PTPRU: variants seen among roughly 807,000 people sequenced by gnomAD.
PTPRU encodes receptor-type tyrosine-protein phosphatase U.
In PTPRU, 69 loss-of-function variants were observed where a neutral mutation model predicts 166.3. The ratio of observed to expected loss-of-function variants is 0.41; its 90% CI spans 0.34 to 0.51. PTPRU has a LOEUF of 0.51. Ranked by LOEUF, PTPRU falls within the 20% of genes least tolerant of loss-of-function variation. The pLI is 0.09. For missense variants in PTPRU, 1,657 were observed against 2,013.7 expected, an observed-to-expected ratio of 0.82 and a Z score of 3.39; for synonymous variants, 793 against 814.0, an observed-to-expected ratio of 0.97 and a Z score of 0.44.
chr1:29,243,568 C>T (rs1419611738), intron 1 of PTPRU, among the ~76,000 whole-genome samples: 1 of 152,250 alleles, frequency 6.6e-6, no homozygotes, highest in African/African-American at 2.4e-5. Flanking sequence ...TCAGCCTTCA[C>T]AGTTCAGCTC....
chr1:29,275,766 T>G lies in PTPRU; in HGVS notation c.1453+10T>G, dbSNP rs1274276064. On this transcript the variant is annotated intron_variant, in intron 8 of 29. Transcript: ENST00000373779. ...CAGACGGATGAGGATGGTAAGAGTC[T>G]CAGTCCCAATTCCCGGGGCCCTGTG... 1 of 1,611,322 alleles carries G rather than the reference T, an allele frequency of 6.2e-7. No homozygotes were observed. Among genetic ancestry groups the G allele is most frequent in the African/African-American group, 1.3e-5 (1 of 74,896 alleles).
Position 29,311,386 on chromosome 1 carries a change from G to A in PTPRU, c.2858-70G>A. ...CCTGGCCTGGGGTGTGGTGCTGGAT[G>A]GTGCTGGATGTGCTGACCTGGGGTG... is the stretch of plus-strand genomic sequence containing the variant. On this transcript the variant is annotated intron_variant, in intron 19 of 29. Transcript: ENST00000373779. The surrounding 1 kb of genome is among the most constrained non-coding windows in gnomAD (Gnocchi z 4.1). 1.4e-6 allele frequency: 2 copies of A among 1,476,792 alleles called. No individual in the cohort carries two copies. The highest frequency in any genetic ancestry group is 1.9e-6 in the Non-Finnish European group (2 of 1,064,864). The allele number at this position is 1,476,792 out of a possible 1,614,324, so 91.5% of individuals were successfully genotyped here. A position where few individuals can be genotyped will look rare whatever the true frequency, so the allele number is the denominator to read the frequency against.
rs888587697 is a variant in PTPRU at position 29,315,894 on chromosome 1, C to T, written c.3364-108C>T. The T allele has an allele frequency of 8.7e-6, 12 of 1,378,226 alleles. No homozygotes were observed. Among genetic ancestry groups the T allele is most frequent in the Non-Finnish European group, 1.2e-5 (12 of 1,012,436 alleles). The allele number at this position is 1,378,226 out of a possible 1,614,324, so 85.4% of individuals were successfully genotyped here. The stretch of plus-strand genomic sequence containing the variant: ...TCCAGCCTGTAGTAACATGGTTGGC[C>T]TCCACCTCAGGACACCCTGCTTCAA... On this transcript the variant is annotated intron_variant, in intron 23 of 29. Coordinates refer to ENST00000373779, the MANE Select transcript of PTPRU (RefSeq NM_133178.4). The surrounding 1 kb of genome is among the most constrained non-coding windows in gnomAD (Gnocchi z 4.5).
intron 18 of PTPRU, chr1:29,307,189 T>TA (rs1484684211): frequency 7.5e-6 from 12 of 1,593,134 alleles, no homozygotes; most frequent in Non-Finnish European, 7.7e-6. Context: ...CTCTTCCTCC[T>TA]GTCTGTCTGA....
intron 14 of PTPRU, among the ~76,000 whole-genome samples, chr1:29,288,705 G>C (rs1445454476): frequency 1.3e-5 from 2 of 152,146 alleles, no homozygotes; most frequent in Non-Finnish European, 2.9e-5. Context: ...AGGGTGATGT[G>C]GGGGCAAGTG....
intron 1 of PTPRU, among the ~76,000 whole-genome samples, chr1:29,254,130 G>A (rs1273576552): frequency 6.6e-6 from 1 of 152,180 alleles, no homozygotes; most frequent in Non-Finnish European, 1.5e-5. Flanking sequence ...TGGCTGGCAG[G>A]TACCCAGGAC....
chr1:29,275,651 A>G lies in PTPRU; in HGVS notation c.1348A>G (p.Ile450Val), dbSNP rs1045863349. Residue 450 changes from isoleucine to valine, a missense_variant, in exon 8 of 30, where the codon ATC becomes GTC. By Grantham distance (29) the Ile-to-Val change is conservative. This residue lies in a region of PTPRU where 1,190 missense variants were observed against 1,477.4 expected (regional missense o/e 0.81). Transcript: ENST00000373779. ...KTEQGVSRYT[I>V]KNLLPYRNVH... ...AGAGCAAGGTGTCAGCCGCTACACC[A>G]TCAAGAACCTGCTGCCCTATCGGAA... 2.5e-6 allele frequency: 4 copies of G among 1,614,014 alleles called. No homozygotes were observed. In the African/African-American group the frequency reaches 5.3e-5, roughly 22 times the overall value.
At position 29,284,944 on chromosome 1, in the gene PTPRU, C is replaced by T. The variant is rs1686274813; in HGVS notation, c.2318+75C>T. On this transcript the variant is annotated intron_variant, in intron 14 of 29. Transcript: ENST00000373779. ...GCCTGGTGGCACAGAGGAATAGTGG[C>T]TAAGAGCTGGTAGGGCAGCTGTCCT... 5 of 1,523,144 alleles carry T rather than the reference C, an allele frequency of 3.3e-6. No individual in the cohort carries two copies. In the South Asian group the frequency reaches 6.5e-5, roughly 20 times the overall value. 94.4% of individuals were successfully genotyped at this position (1,523,144 alleles called of 1,614,324 possible).
chr1:29,311,376 G>A lies in PTPRU; in HGVS notation c.2858-80G>A. 1 of 1,386,432 alleles carries A rather than the reference G, an allele frequency of 7.2e-7. No homozygotes were observed. Among genetic ancestry groups the A allele is most frequent in the Non-Finnish European group, 1.0e-6 (1 of 989,128 alleles). 85.9% of individuals were successfully genotyped at this position (1,386,432 alleles called of 1,614,324 possible). ...CAGGAGGCCTCCTGGCCTGGGGTGT[G>A]GTGCTGGATGGTGCTGGATGTGCTG... On this transcript the variant is annotated intron_variant, in intron 19 of 29. Transcript: ENST00000373779. This position sits in a 1 kb window ranked among gnomAD's most constrained non-coding sequence, Gnocchi z 4.1.
chr1:29,260,349 C>G lies in PTPRU; in HGVS notation c.851-261C>G. ...CTGGCCTGCGGTCCGCTCCAGGAGG[C>G]GAGGATGTGGGGGATTAGGAGGGGC... On this transcript the variant is annotated intron_variant, in intron 6 of 29. Coordinates refer to ENST00000373779, the MANE Select transcript of PTPRU (RefSeq NM_133178.4). The surrounding 1 kb of genome is among the most constrained non-coding windows in gnomAD (Gnocchi z 8.3). 2.2e-6 allele frequency: 1 copy of G among 461,480 alleles called. No individual in the cohort carries two copies. The highest frequency in any genetic ancestry group is 5.2e-5 in the South Asian group (1 of 19,064). 28.6% of individuals were successfully genotyped at this position (461,480 alleles called of 1,614,324 possible).
intron 2 of PTPRU, among the ~76,000 whole-genome samples, chr1:29,255,920 C>CT (rs1384120304): frequency 6.6e-6 from 1 of 152,188 alleles, no homozygotes; most frequent in Non-Finnish European, 1.5e-5. Context: ...GATGGGGCAC[C>CT]TTTGTCATCC....
intron 18 of PTPRU, among the ~76,000 whole-genome samples, chr1:29,308,639 C>A (rs1382301970): frequency 6.9e-6 from 1 of 145,322 alleles, no homozygotes; most frequent in Non-Finnish European, 1.5e-5. Context: ...ATTTTTAATA[C>A]ATATATACTG....
At chr1:29,253,567 T>C (rs1333408920) in intron 1 of PTPRU, among the ~76,000 whole-genome samples, 1 of 152,002 alleles carries the variant, frequency 6.6e-6, no homozygotes, top group Non-Finnish European at 1.5e-5. Flanking sequence ...TATATATAAA[T>C]AAATATGTAT....
intron 7 of PTPRU, among the ~76,000 whole-genome samples, chr1:29,273,280 T>C (rs1406374119): frequency 2.6e-5 from 4 of 152,154 alleles, no homozygotes; most frequent in Non-Finnish European, 4.4e-5. Flanking sequence ...TTCTATTCTT[T>C]TTTTTCGAGA....
Position 29,260,110 on chromosome 1 carries a change from C to A in PTPRU, c.850+66C>A. 4.1e-6 allele frequency: 3 copies of A among 734,182 alleles called. No individual in the cohort carries two copies. The highest frequency in any genetic ancestry group is 3.6e-6 in the Non-Finnish European group (2 of 562,424). The allele number at this position is 734,182 out of a possible 1,614,324, so 45.5% of individuals were successfully genotyped here. ...CGAGGGGCGGGGCCGGCGACGGGGGCGGGCTCTGCCCGGGGGCGTGGCCGT... is the reference window on the plus strand; with the variant it reads ...CGAGGGGCGGGGCCGGCGACGGGGGAGGGCTCTGCCCGGGGGCGTGGCCGT... On this transcript the variant is annotated intron_variant, in intron 6 of 29. Transcript: ENST00000373779. This position sits in a 1 kb window ranked among gnomAD's most constrained non-coding sequence, Gnocchi z 8.3.
chr1:29,310,067 A>T (rs1449133053), intron 18 of PTPRU, among the ~76,000 whole-genome samples: 6 of 152,036 alleles, frequency 3.9e-5, no homozygotes, highest in Non-Finnish European at 7.4e-5. Flanking sequence ...GGGATGGAGG[A>T]TGAAGTAGCT....
intron 1 of PTPRU, among the ~76,000 whole-genome samples, chr1:29,252,711 A>G (rs1261813132): frequency 6.6e-6 from 1 of 151,984 alleles, no homozygotes; most frequent in Non-Finnish European, 1.5e-5. Flanking sequence ...GTGACATAGC[A>G]CTCACTCCCC....
Position 29,325,996 on chromosome 1 carries a change from TTG to T in PTPRU, c.*336_*337del. The T allele has an allele frequency of 3.0e-5, 13 of 427,108 alleles. No individual in the cohort carries two copies. Among genetic ancestry groups the T allele is most frequent in the South Asian group, 9.2e-5 (1 of 10,878 alleles). The allele number at this position is 427,108 out of a possible 1,614,324, so 26.5% of individuals were successfully genotyped here. A position where few individuals can be genotyped will look rare whatever the true frequency, so the allele number is the denominator to read the frequency against. Reference sequence around the variant, plus strand: ...CTCTGGGGGACTCAGGCCAAGCCCCTTGGCACCATCCTGGCTTTTGGCAGGGA... The same window carrying T: ...CTCTGGGGGACTCAGGCCAAGCCCCTGCACCATCCTGGCTTTTGGCAGGGA... On this transcript the variant is annotated 3_prime_UTR_variant, in exon 30 of 30. Transcript: ENST00000373779.
chr1:29,270,504 C>G (rs72649300), intron 7 of PTPRU, among the ~76,000 whole-genome samples: 1 of 152,102 alleles, frequency 6.6e-6, no homozygotes, highest in African/African-American at 2.4e-5. Context: ...TGAGGTCTCA[C>G]TACTATGTTG....
Sources: gnomAD v4.1 joint callset for allele counts (sites outside exome capture counted in the v4.1 genomes callset) on GRCh38, gnomAD v4.1.1 for gene constraint, gnomAD v4.1.1 regional missense constraint, Gnocchi (gnomAD v3.1) non-coding constraint, MANE v1.5 for transcripts, NCBI Gene and HGNC (gene_info 2026-07-23, HGNC 2026-07-21) for gene names.